Variants in TMCC1 observed in about 807,000 individuals in gnomAD.
TMCC1 encodes the protein transmembrane and coiled-coil domains protein 1.
Under a neutral mutation model 52.4 loss-of-function variants are expected in TMCC1, and 15 were observed. The ratio of observed to expected loss-of-function variants is 0.29; its 90% CI spans 0.19 to 0.44. The LOEUF (loss-of-function observed/expected upper bound fraction) is 0.44. Ranked by LOEUF, TMCC1 falls within the 20% of genes least tolerant of loss-of-function variation. TMCC1 has a pLI of 1.00. For synonymous variants in TMCC1, 279 were observed against 301.9 expected (o/e 0.92, Z 0.79); for missense variants, 503 against 806.0 (o/e 0.62, Z 4.55).
intron 4 of TMCC1, among the ~76,000 whole-genome samples, chr3:129,762,833 A>G (rs940429457): frequency 1.3e-5 from 2 of 152,042 alleles, no homozygotes; most frequent in African/African-American, 4.8e-5. Context: ...ATGTTTTGTT[A>G]AAGAGCATGA....
At chr3:129,685,292 T>C (rs192994014) in intron 4 of TMCC1, among the ~76,000 whole-genome samples, 66 of 151,502 alleles carry the variant, frequency 4.4e-4, no homozygotes, top group African/African-American at 1.6e-3. Flanking sequence ...AGTGAGAAAA[T>C]CACTTAAGCC....
At chr3:129,663,389 T>C (rs2087194539) in intron 5 of TMCC1, among the ~76,000 whole-genome samples, 2 of 152,168 alleles carry the variant, frequency 1.3e-5, no homozygotes, top group Non-Finnish European at 2.9e-5. Flanking sequence ...ATGGACTATT[T>C]CCCAAATGCA....
intron 4 of TMCC1, among the ~76,000 whole-genome samples, chr3:129,752,045 G>A (rs994065079): frequency 6.6e-6 from 1 of 152,110 alleles, no homozygotes; most frequent in Non-Finnish European, 1.5e-5. Context: ...CTAAAAGTTT[G>A]CACTAACTTA....
chr3:129,692,636 C>T (rs1373396721), intron 4 of TMCC1, among the ~76,000 whole-genome samples: 2 of 152,082 alleles, frequency 1.3e-5, no homozygotes. Flanking sequence ...TTGTGTATGA[C>T]GTAGTTCTTA....
At chr3:129,840,635 GT>G (rs1281909057) in intron 2 of TMCC1, among the ~76,000 whole-genome samples, 1 of 152,146 alleles carries the variant, frequency 6.6e-6, no homozygotes, top group Non-Finnish European at 1.5e-5. Context: ...CACGGGGGTG[GT>G]TTCCCCCTGT....
At chr3:129,825,485 C>T (rs1398247485) in intron 4 of TMCC1, among the ~76,000 whole-genome samples, 1 of 147,946 alleles carries the variant, frequency 6.8e-6, no homozygotes, top group African/African-American at 2.5e-5. Flanking sequence ...CCATAACTTC[C>T]AAACTTTCCC....
chr3:129,677,558 G>A (rs751610764), intron 4 of TMCC1, among the ~76,000 whole-genome samples: 1 of 152,164 alleles, frequency 6.6e-6, no homozygotes, highest in Non-Finnish European at 1.5e-5. Flanking sequence ...ATGATACAGT[G>A]TCATTAAAAC....
In TMCC1 at chr3:129,761,753, C is replaced by T. The variant is rs1301926947; in HGVS notation, c.576+66050G>A. ...CACCTGTAATCCCTGCACTTTGGGA[C>T]GCTGAGGCAGGCGGATCATCTGAGG... On this transcript the variant is annotated intron_variant, in intron 4 of 6. Transcript: ENST00000393238. 2.6e-5 allele frequency among the ~76,000 whole-genome samples: 4 copies of T among 151,936 alleles called. No individual in the cohort carries two copies. In the East Asian group the frequency reaches 5.8e-4, roughly 22 times the overall value.
Position 129,688,138 on chromosome 3 carries a change from T to C in TMCC1, c.577-16874A>G, listed in dbSNP as rs551930600. 4 of 984,978 alleles carry C rather than the reference T, an allele frequency of 4.1e-6. No individual in the cohort carries two copies. The African/African-American group carries it at 5.2e-5, about 13-fold the overall frequency. 61.0% of individuals were successfully genotyped at this position (984,978 alleles called of 1,614,324 possible). On this transcript the variant is annotated intron_variant, in intron 4 of 6. Coordinates refer to ENST00000393238, the MANE Select transcript of TMCC1 (RefSeq NM_001017395.5). ...ATTCCATACAGCTGATATAGAAAAG[T>C]CAAAAAATAAGAAAAAAATCACAAC...
intron 4 of TMCC1, among the ~76,000 whole-genome samples, chr3:129,746,995 A>C (rs1298213500): frequency 1.3e-5 from 2 of 152,222 alleles, no homozygotes; most frequent in African/African-American, 4.8e-5. Flanking sequence ...CATTGTTGGG[A>C]GAATAAATCA....
In TMCC1 at chr3:129,651,362, A is replaced by G; in HGVS notation, c.*119T>C. On this transcript the variant is annotated 3_prime_UTR_variant, in exon 7 of 7. Coordinates refer to ENST00000393238, the MANE Select transcript of TMCC1 (RefSeq NM_001017395.5). This position sits in a 1 kb window ranked among gnomAD's most constrained non-coding sequence, Gnocchi z 5.1. Reference sequence around the variant, plus strand: ...AAGAAAAAAACATTATTCTAAATGTAAACAGATTCACTCAACTCTTTTTTT... The same window carrying G: ...AAGAAAAAAACATTATTCTAAATGTGAACAGATTCACTCAACTCTTTTTTT... 3 of 1,107,192 alleles carry G rather than the reference A, an allele frequency of 2.7e-6. No homozygotes were observed. The highest frequency in any genetic ancestry group is 3.9e-6 in the Non-Finnish European group (3 of 773,120). The allele number at this position is 1,107,192 out of a possible 1,614,324, so 68.6% of individuals were successfully genotyped here.
At chr3:129,863,089 T>A (rs572350695) in intron 2 of TMCC1, among the ~76,000 whole-genome samples, 11 of 152,164 alleles carry the variant, frequency 7.2e-5, no homozygotes, top group African/African-American at 2.7e-4. Context: ...AAAAAGAAGA[T>A]ACTGACTGGA....
At chr3:129,722,554 T>C (rs907589993) in intron 4 of TMCC1, among the ~76,000 whole-genome samples, 12 of 152,210 alleles carry the variant, frequency 7.9e-5, no homozygotes, top group Admixed American at 2.0e-4. Context: ...TATAAGTTAA[T>C]GCAATCAGCA....
intron 1 of TMCC1, among the ~76,000 whole-genome samples, chr3:129,886,868 C>T (rs1282367138): frequency 2.0e-5 from 3 of 150,224 alleles, no homozygotes; most frequent in South Asian, 4.2e-4. Flanking sequence ...ACCCGGGAGG[C>T]GGAGGTTGCA....
intron 4 of TMCC1, among the ~76,000 whole-genome samples, chr3:129,675,039 C>A (rs1488886170): frequency 6.6e-6 from 1 of 152,124 alleles, no homozygotes; most frequent in East Asian, 1.9e-4. Context: ...GGGGTTTCAC[C>A]ATGTTGCCCA....
At chr3:129,700,669 G>T (rs2108971275) in intron 4 of TMCC1, among the ~76,000 whole-genome samples, 1 of 151,504 alleles carries the variant, frequency 6.6e-6, no homozygotes, top group Admixed American at 6.6e-5. Flanking sequence ...TAGAGATGGG[G>T]TTTCATCAGG....
chr3:129,773,572 GAAAGAGAACA>G (rs2054788424), intron 4 of TMCC1, among the ~76,000 whole-genome samples: 1 of 152,160 alleles, frequency 6.6e-6, no homozygotes. Flanking sequence ...TGCAAAAAGT[GAAAGAGAACA>G]AATAAGCCCA....
At chr3:129,893,473 G>C (rs1432395476) in intron 1 of TMCC1, 21 bp downstream of exon 1, 1 of 151,958 alleles carries the variant, frequency 6.6e-6, no homozygotes, top group Non-Finnish European at 1.5e-5. Flanking sequence ...GCCAGCGTCC[G>C]GGGCGGGGGC....
At chr3:129,692,304 T>C (rs147314044) in intron 4 of TMCC1, among the ~76,000 whole-genome samples, 20 of 152,344 alleles carry the variant, frequency 1.3e-4, no homozygotes, top group African/African-American at 4.6e-4. Flanking sequence ...TTTATATCAA[T>C]AGCAATTATG....
Sources: allele counts gnomAD v4.1 joint callset (sites outside exome capture counted in the v4.1 genomes callset), GRCh38; gene constraint gnomAD v4.1.1; non-coding constraint Gnocchi (gnomAD v3.1); transcripts MANE v1.5; gene names NCBI Gene and HGNC (gene_info 2026-07-23, HGNC 2026-07-21).